MPPED1: variants seen among roughly 807,000 people sequenced by gnomAD.
MPPED1 encodes the protein metallophosphoesterase domain containing 1, also known as metallophosphoesterase domain-containing protein 1.
MPPED1 carries 16 observed loss-of-function variants against 36.2 expected under a neutral mutation model. The ratio of observed to expected loss-of-function variants is 0.44; its 90% CI spans 0.30 to 0.67. MPPED1 has a LOEUF of 0.67. Among genes scored for constraint, MPPED1 ranks in the 30% least tolerant of loss-of-function variants. MPPED1 has a pLI of 0.10. For synonymous variants in MPPED1, 199 were observed against 191.3 expected (o/e 1.04, Z -0.33); for missense variants, 307 against 453.4 (o/e 0.68, Z 2.93).
intron 3 of MPPED1, among the ~76,000 whole-genome samples, chr22:43,460,849 A>G (rs947791847): frequency 6.6e-6 from 1 of 152,156 alleles, no homozygotes; most frequent in African/African-American, 2.4e-5. Context: ...TTTCCTAGGC[A>G]CACGCACAGC....
At chr22:43,459,224 C>T (rs1159233773) in intron 3 of MPPED1, among the ~76,000 whole-genome samples, 2 of 152,066 alleles carry the variant, frequency 1.3e-5, no homozygotes, top group African/African-American at 2.4e-5. Context: ...ATAGGTGCAC[C>T]GTGCACACCA....
chr22:43,456,786 G>A (rs532431450), intron 3 of MPPED1, among the ~76,000 whole-genome samples: 20 of 152,262 alleles, frequency 1.3e-4, no homozygotes, highest in East Asian at 3.9e-4. Context: ...GTGAGCCACC[G>A]CACCCGGTGT....
chr22:43,450,637 G>C (rs935163230), intron 3 of MPPED1, among the ~76,000 whole-genome samples: 2 of 152,240 alleles, frequency 1.3e-5, no homozygotes, highest in Non-Finnish European at 2.9e-5. Context: ...GCATAACACA[G>C]GCAGCCATTG....
chr22:43,449,356 GTC>G (rs908343326), intron 3 of MPPED1, among the ~76,000 whole-genome samples: 4 of 151,946 alleles, frequency 2.6e-5, no homozygotes, highest in African/African-American at 9.7e-5. Flanking sequence ...GGTCACGCAG[GTC>G]TCCAGGGCAG....
intron 3 of MPPED1, among the ~76,000 whole-genome samples, chr22:43,451,521 C>T (rs138013289): frequency 9.9e-5 from 15 of 152,264 alleles, no homozygotes; most frequent in African/African-American, 3.6e-4. Context: ...TCCGAGAGCT[C>T]GCGGAAGGCC....
intron 3 of MPPED1, among the ~76,000 whole-genome samples, chr22:43,459,035 A>C (rs554790493): frequency 6.6e-6 from 1 of 151,948 alleles, no homozygotes; most frequent in Admixed American, 6.6e-5. Flanking sequence ...TTTTTCATCA[A>C]ATTTGGGGAG....
At chr22:43,452,441 G>T (rs1239021453) in intron 3 of MPPED1, among the ~76,000 whole-genome samples, 2 of 152,144 alleles carry the variant, frequency 1.3e-5, no homozygotes, top group Non-Finnish European at 2.9e-5. Context: ...CTGCCTGTGT[G>T]TGTCTCCCTC....
At chr22:43,452,513 GAA>G (rs1930606719) in intron 3 of MPPED1, among the ~76,000 whole-genome samples, 1 of 152,220 alleles carries the variant, frequency 6.6e-6, no homozygotes, top group Non-Finnish European at 1.5e-5. Flanking sequence ...CTAGGGCCAA[GAA>G]AGAGAACTGG....
chr22:43,440,066 C>T (rs546813576), intron 3 of MPPED1, among the ~76,000 whole-genome samples: 1 of 152,366 alleles, frequency 6.6e-6, no homozygotes, highest in South Asian at 2.1e-4. Context: ...TGTCCAGCGC[C>T]AGCCAGCGGA....
At chr22:43,464,040 C>T (rs375639532) in intron 3 of MPPED1, among the ~76,000 whole-genome samples, 71 of 151,942 alleles carry the variant, frequency 4.7e-4, no homozygotes, top group African/African-American at 1.7e-3. Flanking sequence ...TCCTGAGTAG[C>T]TGGGTTTATA....
chr22:43,444,361 TATC>T lies in MPPED1; in HGVS notation c.406+9147_406+9149del, dbSNP rs1259894994. 5.0e-4 allele frequency among the ~76,000 whole-genome samples: 70 copies of T among 140,266 alleles called. 1 individual carries two copies. The highest frequency in any genetic ancestry group is 2.4e-3 in the Admixed American group (31 of 13,178). 92.0% of individuals were successfully genotyped at this position (140,266 alleles called of 152,430 possible). ...GCAGTGGTGTTTTTTTCTTTCTATC[TATC>T]TTTTTTTTTTTTTTTTTTTTGAGAT... On this transcript the variant is annotated intron_variant, in intron 3 of 6. Coordinates refer to ENST00000443721, the MANE Select transcript of MPPED1 (RefSeq NM_001044370.2).
In MPPED1 at chr22:43,447,430, C is replaced by T. The variant is rs375637579; in HGVS notation, c.406+12215C>T. ...GCACAGAATTAAAATACTGTGTCCC[C>T]GCGTGCACATAAACTTCTGAAATGT... is the stretch of plus-strand genomic sequence containing the variant. On this transcript the variant is annotated intron_variant, in intron 3 of 6. Coordinates refer to ENST00000443721, the MANE Select transcript of MPPED1 (RefSeq NM_001044370.2). 4.9e-4 allele frequency among the ~76,000 whole-genome samples: 74 copies of T among 152,182 alleles called. 1 individual carries two copies. In the East Asian group the frequency reaches 7.7e-3, roughly 16 times the overall value.
intron 4 of MPPED1, among the ~76,000 whole-genome samples, chr22:43,485,733 G>T (rs935260758): frequency 6.6e-6 from 1 of 152,184 alleles, no homozygotes; most frequent in Admixed American, 6.5e-5. Flanking sequence ...CCTTCCTGCC[G>T]CAAAGTCCCA....
chr22:43,475,065 G>A (rs1003230869), intron 4 of MPPED1, 104 bp downstream of exon 4: 36 of 1,003,512 alleles, frequency 3.6e-5, no homozygotes, highest in African/African-American at 3.3e-4. Context: ...CTCCGGATGC[G>A]AGGCTCAGGA....
chr22:43,455,670 A>G (rs1006486161), intron 3 of MPPED1, among the ~76,000 whole-genome samples: 3 of 152,218 alleles, frequency 2.0e-5, no homozygotes, highest in Admixed American at 1.3e-4. Flanking sequence ...GCAGGAAGCT[A>G]TGGAAACCCA....
At chr22:43,460,218 C>A (rs1601977312) in intron 3 of MPPED1, among the ~76,000 whole-genome samples, 1 of 106,564 alleles carries the variant, frequency 9.4e-6, no homozygotes, top group African/African-American at 3.6e-5. Flanking sequence ...AAAACAAAAA[C>A]AAAAACAAAA....
chr22:43,471,094 A>T (rs962498424), intron 3 of MPPED1, among the ~76,000 whole-genome samples: 2 of 152,256 alleles, frequency 1.3e-5, no homozygotes, highest in African/African-American at 4.8e-5. Flanking sequence ...GAGAGCTGAC[A>T]GCTTCTGCGC....
chr22:43,466,274 G>A (rs891447894), intron 3 of MPPED1, among the ~76,000 whole-genome samples: 10 of 152,130 alleles, frequency 6.6e-5, no homozygotes, highest in African/African-American at 1.7e-4. Context: ...AGGCCAGGGG[G>A]TCTGCAGCTC....
chr22:43,447,819 A>AT (rs1930398771), intron 3 of MPPED1, among the ~76,000 whole-genome samples: 2 of 138,570 alleles, frequency 1.4e-5, no homozygotes, highest in Admixed American at 1.5e-4. Context: ...ATATATTTAT[A>AT]TTTTTATATA....
Sources: gnomAD v4.1 joint callset for allele counts (sites outside exome capture counted in the v4.1 genomes callset) on GRCh38, gnomAD v4.1.1 for gene constraint, MANE v1.5 for transcripts, NCBI Gene and HGNC (gene_info 2026-07-23, HGNC 2026-07-21) for gene names.